The following COMMD1 variants were observed in gnomAD, a reference collection of about 807,000 sequenced individuals.
COMMD1 encodes the protein copper metabolism domain containing 1, also known as COMM domain-containing protein 1.
A neutral mutation model predicts 17.2 loss-of-function variants in COMMD1; 10 were observed. The observed-to-expected ratio is 0.58, with a 90% CI of 0.36 to 0.99. The LOEUF (loss-of-function observed/expected upper bound fraction) is 0.99, where lower values mean the gene tolerates loss of function less well. COMMD1 is among the 50% of genes least tolerant of loss of function. The pLI is 0.01. For synonymous variants in COMMD1, 97 were observed against 91.6 expected, an observed-to-expected ratio of 1.06 and a Z score of -0.34; for missense variants, 270 against 231.8, an observed-to-expected ratio of 1.17 and a Z score of -1.07.
At chr2:62,109,641 A>G (rs1672402020) in intron 2 of COMMD1, among the ~76,000 whole-genome samples, 1 of 152,192 alleles carries the variant, frequency 6.6e-6, no homozygotes, top group Non-Finnish European at 1.5e-5. Context: ...CTATAACTTC[A>G]GTCTTCTGAT....
At chr2:62,012,946 A>T (rs1386746787) in intron 2 of COMMD1, among the ~76,000 whole-genome samples, 1 of 152,150 alleles carries the variant, frequency 6.6e-6, no homozygotes, top group East Asian at 1.9e-4. Flanking sequence ...AGGCAGCCCC[A>T]GGAAGATCTG....
At chr2:62,008,845 C>T (rs1573063518) in intron 2 of COMMD1, among the ~76,000 whole-genome samples, 1 of 152,244 alleles carries the variant, frequency 6.6e-6, no homozygotes, top group East Asian at 1.9e-4. Context: ...CAGTGGCATG[C>T]TCTTGGCTCA....
intron 2 of COMMD1, among the ~76,000 whole-genome samples, chr2:62,102,211 T>G (rs1672201677): frequency 1.3e-5 from 2 of 152,212 alleles, no homozygotes; most frequent in Non-Finnish European, 2.9e-5. Context: ...TTATGACATC[T>G]CACGTTGACT....
At chr2:62,036,971 T>C (rs561021111) in intron 2 of COMMD1, among the ~76,000 whole-genome samples, 1 of 152,324 alleles carries the variant, frequency 6.6e-6, no homozygotes, top group Non-Finnish European at 1.5e-5. Flanking sequence ...GACAATGAGT[T>C]TTTGTTGTAC....
At position 61,996,809 on chromosome 2, in the gene COMMD1, C is replaced by T. The variant is rs182585651; in HGVS notation, c.181-3892C>T. 5.9e-5 allele frequency among the ~76,000 whole-genome samples: 9 copies of T among 152,312 alleles called. No homozygotes were observed. In the East Asian group the frequency reaches 1.7e-3, roughly 29 times the overall value. ...CTAATTCTTGTTCTCTTGCTGTTTT[C>T]ACCACATATGCAGTTACTTCCTCCA... On this transcript the variant is annotated intron_variant, in intron 1 of 2. Coordinates refer to ENST00000311832, the MANE Select transcript of COMMD1 (RefSeq NM_152516.4).
chr2:61,949,485 TA>T (rs1355581268), intron 1 of COMMD1, among the ~76,000 whole-genome samples: 1 of 152,202 alleles, frequency 6.6e-6, no homozygotes, highest in Admixed American at 6.5e-5. Context: ...TAAGCCTTTT[TA>T]TTTATGGCTT....
intron 1 of COMMD1, among the ~76,000 whole-genome samples, chr2:61,997,127 T>C (rs1668787324): frequency 6.6e-6 from 1 of 151,966 alleles, no homozygotes; most frequent in South Asian, 2.1e-4. Flanking sequence ...TGGTGCCATC[T>C]TGGCTTATGC....
intron 1 of COMMD1, among the ~76,000 whole-genome samples, chr2:61,980,707 C>T (rs1671930699): frequency 6.7e-6 from 1 of 148,880 alleles, no homozygotes; most frequent in Non-Finnish European, 1.5e-5. Context: ...GTTGCCTGTT[C>T]ACTCTGATGG....
chr2:61,983,485 C>T lies in COMMD1; in HGVS notation c.181-17216C>T, dbSNP rs376732071. Among the ~76,000 whole-genome samples, 76 of 152,064 alleles carry T rather than the reference C, an allele frequency of 5.0e-4. No homozygotes were observed. The East Asian group carries it at 5.0e-3, about 10-fold the overall frequency. On this transcript the variant is annotated intron_variant, in intron 1 of 2. Transcript: ENST00000311832. Reference sequence around the variant, plus strand: ...GATTACAAGCATGAGCCACTGCTCCCGGCCTATAATGGCTTTTAATGCATG... The same window carrying T: ...GATTACAAGCATGAGCCACTGCTCCTGGCCTATAATGGCTTTTAATGCATG...
At chr2:61,989,054 C>G (rs146331811) in intron 1 of COMMD1, among the ~76,000 whole-genome samples, 66 of 152,292 alleles carry the variant, frequency 4.3e-4, no homozygotes, top group Middle Eastern at 3.4e-3. Flanking sequence ...CTTTCCTACC[C>G]ACTTCAGTTT....
At chr2:61,995,082 T>C (rs899872208) in intron 1 of COMMD1, among the ~76,000 whole-genome samples, 3 of 140,500 alleles carry the variant, frequency 2.1e-5, no homozygotes, top group Non-Finnish European at 3.0e-5. Context: ...CTTACTGTTA[T>C]CAGATTCAGC....
chr2:61,958,563 G>C (rs1218931584), intron 1 of COMMD1, among the ~76,000 whole-genome samples: 2 of 151,970 alleles, frequency 1.3e-5, no homozygotes, highest in African/African-American at 4.8e-5. Context: ...TACCTTGCCT[G>C]GCCACAAATG....
intron 1 of COMMD1, among the ~76,000 whole-genome samples, chr2:61,897,141 T>C (rs1357779026): frequency 1.3e-5 from 2 of 152,172 alleles, no homozygotes; most frequent in Non-Finnish European, 2.9e-5. Flanking sequence ...GAGGATATTC[T>C]TAACACCAGA....
chr2:62,132,900 A>G (rs1002013168), intron 2 of COMMD1, among the ~76,000 whole-genome samples: 1 of 152,206 alleles, frequency 6.6e-6, no homozygotes, highest in Non-Finnish European at 1.5e-5. Flanking sequence ...TGAATGAAGA[A>G]CAGGCTTTCA....
chr2:61,975,087 G>T (rs1671757947), intron 1 of COMMD1, among the ~76,000 whole-genome samples: 1 of 142,284 alleles, frequency 7.0e-6, no homozygotes, highest in African/African-American at 2.6e-5. Context: ...ATTCTTTCCT[G>T]GCCTTTCATG....
At chr2:62,081,511 A>G (rs1304326755) in intron 2 of COMMD1, among the ~76,000 whole-genome samples, 15 of 151,984 alleles carry the variant, frequency 9.9e-5, no homozygotes, top group Admixed American at 9.2e-4. Context: ...CAGCCTCCCA[A>G]AGTGCTGGGA....
chr2:61,888,465 CCCCGGCAGT>C (rs1669314294), upstream of COMMD1: 1 of 1,611,828 alleles, frequency 6.2e-7, no homozygotes, highest in Admixed American at 1.7e-5. Context: ...CCGCCGGCAG[CCCCGGCAGT>C]CGCCCCGCTC....
At chr2:62,060,277 G>C (rs1002934931) in intron 2 of COMMD1, among the ~76,000 whole-genome samples, 23 of 152,186 alleles carry the variant, frequency 1.5e-4, no homozygotes, top group African/African-American at 5.3e-4. Context: ...GCTGCAGTGA[G>C]CTGAGATCAT....
At chr2:61,998,682 T>C (rs1482887550) in intron 1 of COMMD1, among the ~76,000 whole-genome samples, 1 of 152,244 alleles carries the variant, frequency 6.6e-6, no homozygotes, top group African/African-American at 2.4e-5. Flanking sequence ...GCTTTCAGCC[T>C]ATCTTGGCTT....
Sources: gnomAD v4.1 joint callset for allele counts (sites outside exome capture counted in the v4.1 genomes callset) on GRCh38, gnomAD v4.1.1 for gene constraint, MANE v1.5 for transcripts, NCBI Gene and HGNC (gene_info 2026-07-23, HGNC 2026-07-21) for gene names.